The following ACOT13 variants were observed in gnomAD, a reference collection of about 807,000 sequenced individuals.
ACOT13 encodes the protein acyl-CoA thioesterase 13, also known as acyl-coenzyme A thioesterase 13.
Under a neutral mutation model 11.8 loss-of-function variants are expected in ACOT13, and 10 were observed. The ratio of observed to expected loss-of-function variants is 0.85; its 90% CI spans 0.53 to 1.44. ACOT13 has a LOEUF of 1.44. Ranked by LOEUF, ACOT13 falls within the 40% of genes most tolerant of loss-of-function variation. The pLI, the probability that ACOT13 is intolerant of heterozygous loss-of-function variation, is 0.00. For synonymous variants in ACOT13, 53 were observed against 61.0 expected, an observed-to-expected ratio of 0.87 and a Z score of 0.61; for missense variants, 172 against 174.1, an observed-to-expected ratio of 0.99 and a Z score of 0.07.
intron 1 of ACOT13, among the ~76,000 whole-genome samples, chr6:24,675,240 T>C (rs891024407): frequency 5.3e-5 from 8 of 152,230 alleles, no homozygotes; most frequent in African/African-American, 1.7e-4. Context: ...CCTTTGGGTA[T>C]ATACCCAGTA....
intron 1 of ACOT13, among the ~76,000 whole-genome samples, chr6:24,685,016 A>G (rs1240438608): frequency 6.6e-6 from 1 of 152,148 alleles, no homozygotes; most frequent in Non-Finnish European, 1.5e-5. Context: ...GTCTCTAAAA[A>G]AAATTTTTTT....
At chr6:24,683,407 A>G (rs1013847590) in intron 1 of ACOT13, among the ~76,000 whole-genome samples, 2 of 151,984 alleles carry the variant, frequency 1.3e-5, no homozygotes, top group South Asian at 4.2e-4. Context: ...TGTGGTGGCA[A>G]ATGCCTGTAA....
intron 2 of ACOT13, among the ~76,000 whole-genome samples, chr6:24,700,716 T>G (rs1778878510): frequency 6.6e-6 from 1 of 152,182 alleles, no homozygotes; most frequent in African/African-American, 2.4e-5. Flanking sequence ...GATTACAGGC[T>G]TGAGCCATCG....
intron 2 of ACOT13, among the ~76,000 whole-genome samples, chr6:24,700,425 CTTTTTTTTT>C (rs34173572): frequency 4.2e-4 from 44 of 105,140 alleles, no homozygotes; most frequent in Non-Finnish European, 6.5e-4. Context: ...TAAGATCCAC[CTTTTTTTTT>C]TTTTTTTTTT....
chr6:24,698,835 A>C (rs569375181), intron 2 of ACOT13, among the ~76,000 whole-genome samples: 3 of 151,988 alleles, frequency 2.0e-5, no homozygotes, highest in African/African-American at 7.3e-5. Context: ...ACGGGGTTTC[A>C]CCATGTTGGC....
intron 1 of ACOT13, among the ~76,000 whole-genome samples, chr6:24,686,693 TC>T (rs1252482125): frequency 1.4e-5 from 2 of 145,762 alleles, no homozygotes; most frequent in African/African-American, 5.5e-5. Context: ...TCTCTTCTCT[TC>T]TTCTTTTCTT....
intron 1 of ACOT13, among the ~76,000 whole-genome samples, chr6:24,697,108 T>A (rs1227050915): frequency 6.6e-6 from 1 of 152,234 alleles, no homozygotes; most frequent in Non-Finnish European, 1.5e-5. Flanking sequence ...TTGTTGCATA[T>A]GTTTATCTTT....
At chr6:24,668,859 A>G (rs1466832972) in intron 1 of ACOT13, among the ~76,000 whole-genome samples, 2 of 152,180 alleles carry the variant, frequency 1.3e-5, no homozygotes, top group Non-Finnish European at 2.9e-5. Context: ...TTTTGCAACC[A>G]ATCAGAGGTA....
Position 24,701,674 on chromosome 6 carries a change from C to G in ACOT13, c.*59C>G, listed in dbSNP as rs2127629932. On this transcript the variant is annotated 3_prime_UTR_variant, in exon 3 of 3. Transcript: ENST00000230048. The stretch of plus-strand genomic sequence containing the variant: ...ATGAATATCAAGTATAGATTTGACT[C>G]AAACAATTGTAATTTTTGAAATAAA... 1 of 1,459,850 alleles carries G rather than the reference C, an allele frequency of 6.9e-7. No homozygotes were observed. Among genetic ancestry groups the G allele is most frequent in the Middle Eastern group, 2.1e-4 (1 of 4,832 alleles). 90.4% of individuals were successfully genotyped at this position (1,459,850 alleles called of 1,614,324 possible). A position where few individuals can be genotyped will look rare whatever the true frequency, so the allele number is the denominator to read the frequency against.
intron 1 of ACOT13, among the ~76,000 whole-genome samples, chr6:24,690,703 T>C (rs958522067): frequency 6.6e-6 from 1 of 152,256 alleles, no homozygotes; most frequent in Admixed American, 6.5e-5. Context: ...TGCTCTTCCC[T>C]AGGGCTTTGT....
intron 1 of ACOT13, among the ~76,000 whole-genome samples, chr6:24,697,325 C>T (rs1381735565): frequency 2.0e-5 from 3 of 151,616 alleles, no homozygotes; most frequent in Non-Finnish European, 4.4e-5. Flanking sequence ...TGTTATTATT[C>T]TGCTTGTACA....
intron 1 of ACOT13, among the ~76,000 whole-genome samples, chr6:24,681,495 CT>C (rs34612446): frequency 0.066 from 3,931 of 59,472 alleles, 65 homozygotes; most frequent in Admixed American, 0.075. Flanking sequence ...ATAGGGCACA[CT>C]TTTTTTTTTT....
intron 2 of ACOT13, among the ~76,000 whole-genome samples, chr6:24,699,171 T>C (rs1330715691): frequency 6.6e-6 from 1 of 151,890 alleles, no homozygotes; most frequent in African/African-American, 2.4e-5. Flanking sequence ...GAGAGAGCCA[T>C]TGTGAGTAGA....
chr6:24,671,961 C>A (rs1489393142), intron 1 of ACOT13, among the ~76,000 whole-genome samples: 1 of 152,210 alleles, frequency 6.6e-6, no homozygotes, highest in African/African-American at 2.4e-5. Flanking sequence ...AACACTGTTG[C>A]ATATTTGACA....
At chr6:24,673,850 TAC>T (rs1187601875) in intron 1 of ACOT13, among the ~76,000 whole-genome samples, 1 of 152,204 alleles carries the variant, frequency 6.6e-6, no homozygotes, top group Non-Finnish European at 1.5e-5. Flanking sequence ...TATTGTGACA[TAC>T]ACAGACCATT....
Position 24,667,355 on chromosome 6 carries a change from G to A in ACOT13, c.81+11G>A, listed in dbSNP as rs1310926601. On this transcript the variant is annotated intron_variant, in intron 1 of 2. Transcript: ENST00000230048. ...AGAGTTTTGGGAAAGGTATGGGAAA[G>A]GTAGGGGAGAAGCCGTGGCTTCTAA... 1 of 1,613,582 alleles carries A rather than the reference G, an allele frequency of 6.2e-7. No homozygotes were observed. The highest frequency in any genetic ancestry group is 2.2e-5 in the East Asian group (1 of 44,900).
rs2044360929 is a variant in ACOT13, at chr6:24,704,768, C to T, written c.*3153C>T. The T allele has an allele frequency of 6.6e-6, 1 of 152,124 alleles. No homozygotes were observed. Among genetic ancestry groups the T allele is most frequent in the Non-Finnish European group, 1.5e-5 (1 of 68,026 alleles). The allele number at this position is 152,124 out of a possible 1,614,324, so 9.4% of individuals were successfully genotyped here. On this transcript the variant is annotated 3_prime_UTR_variant, in exon 3 of 3. Coordinates refer to ENST00000230048, the MANE Select transcript of ACOT13 (RefSeq NM_018473.4). ...CACTCAATTGCCAGGTATTTTTCTT[C>T]TGAATTTACTATTTAGCCACAGACT... is the stretch of plus-strand genomic sequence containing the variant.
At chr6:24,669,932 G>A (rs957273587) in intron 1 of ACOT13, among the ~76,000 whole-genome samples, 14 of 151,882 alleles carry the variant, frequency 9.2e-5, no homozygotes, top group Non-Finnish European at 1.9e-4. Flanking sequence ...GCTGTTTTCA[G>A]TGACTCCTAA....
At chr6:24,684,159 A>AC (rs1178194754) in intron 1 of ACOT13, among the ~76,000 whole-genome samples, 3 of 152,170 alleles carry the variant, frequency 2.0e-5, no homozygotes, top group Non-Finnish European at 4.4e-5. Context: ...ACTGTCCCTA[A>AC]CTATCTCTCA....
Sources: gnomAD v4.1 joint callset for allele counts (sites outside exome capture counted in the v4.1 genomes callset) on GRCh38, gnomAD v4.1.1 for gene constraint, MANE v1.5 for transcripts, NCBI Gene and HGNC (gene_info 2026-07-23, HGNC 2026-07-21) for gene names.